Variants in LPP observed in about 807,000 individuals in gnomAD.
LPP encodes the protein LIM domain containing preferred translocation partner in lipoma.
Under a neutral mutation model 60.4 loss-of-function variants are expected in LPP, and 38 were observed. The observed-to-expected ratio is 0.63, with a 90% CI of 0.49 to 0.83. LPP has a LOEUF of 0.83. LPP is among the 40% of genes least tolerant of loss of function. The pLI is 0.00. For missense variants in LPP, 902 were observed against 783.6 expected, an observed-to-expected ratio of 1.15 and a Z score of -1.80; for synonymous variants, 328 against 290.8, an observed-to-expected ratio of 1.13 and a Z score of -1.30.
At chr3:188,647,432 G>A (rs1373493124) in intron 7 of LPP, among the ~76,000 whole-genome samples, 1 of 152,174 alleles carries the variant, frequency 6.6e-6, no homozygotes, top group Non-Finnish European at 1.5e-5. Context: ...CAGAAGACTT[G>A]ATTCACTTGT....
intron 2 of LPP, among the ~76,000 whole-genome samples, chr3:188,261,079 A>G (rs902261485): frequency 9.2e-5 from 14 of 152,198 alleles, no homozygotes; most frequent in African/African-American, 3.4e-4. Context: ...TGTTAAAAAA[A>G]GAAATGTTTC....
rs977976295 is a variant in LPP at position 188,426,149 on chromosome 3, G to A, written c.193+19836G>A. Among the ~76,000 whole-genome samples, 8 of 152,114 alleles carry A rather than the reference G, an allele frequency of 5.3e-5. No individual in the cohort carries two copies. In the East Asian group the frequency reaches 5.8e-4, roughly 11 times the overall value. ...TGTGTCCCAGAAATTGTGACATGTT[G>A]TGTCTTTATTCTGATTGGTTTCAAA... On this transcript the variant is annotated intron_variant, in intron 4 of 11. Transcript: ENST00000617246.
chr3:188,518,676 T>C (rs1818056839), intron 5 of LPP, among the ~76,000 whole-genome samples: 1 of 152,354 alleles, frequency 6.6e-6, no homozygotes, highest in Admixed American at 6.5e-5. Context: ...AGTATGGTTG[T>C]CTACCTCAGA....
intron 5 of LPP, among the ~76,000 whole-genome samples, chr3:188,524,372 G>A (rs1381593783): frequency 1.3e-5 from 2 of 152,152 alleles, no homozygotes; most frequent in African/African-American, 4.8e-5. Flanking sequence ...TGCAGGAATG[G>A]AGACATTTAT....
At chr3:188,454,700 G>A (rs1185994932) in intron 4 of LPP, among the ~76,000 whole-genome samples, 2 of 152,100 alleles carry the variant, frequency 1.3e-5, no homozygotes, top group South Asian at 2.1e-4. Context: ...TTACATGGCG[G>A]AAGCAAGAGA....
At chr3:188,749,787 A>G (rs1727485546) in intron 8 of LPP, among the ~76,000 whole-genome samples, 2 of 152,186 alleles carry the variant, frequency 1.3e-5, no homozygotes, top group Admixed American at 1.3e-4. Flanking sequence ...ATTTATTTTC[A>G]GTCTTTATAT....
intron 4 of LPP, among the ~76,000 whole-genome samples, chr3:188,417,564 A>C (rs931922891): frequency 6.6e-6 from 1 of 152,110 alleles, no homozygotes; most frequent in Admixed American, 6.6e-5. Flanking sequence ...GAACAGAGTG[A>C]CTTCACTATG....
chr3:188,307,533 A>G (rs1751920617), intron 2 of LPP, among the ~76,000 whole-genome samples: 1 of 152,132 alleles, frequency 6.6e-6, no homozygotes, highest in Admixed American at 6.5e-5. Context: ...TTCTCTGAAA[A>G]TTATGTGCAT....
chr3:188,521,527 T>C (rs1200401897), intron 5 of LPP, among the ~76,000 whole-genome samples: 1 of 152,164 alleles, frequency 6.6e-6, no homozygotes, highest in Non-Finnish European at 1.5e-5. Context: ...CCTGTCTCTT[T>C]ACTAATACCC....
intron 2 of LPP, among the ~76,000 whole-genome samples, chr3:188,325,847 C>T (rs571902263): frequency 6.6e-6 from 1 of 152,324 alleles, no homozygotes; most frequent in South Asian, 2.1e-4. Flanking sequence ...AGAAGATTCT[C>T]TGGCATAGGG....
In LPP at chr3:188,184,600, G is replaced by A. The variant is rs149595776; in HGVS notation, c.-190+30348G>A. Among the ~76,000 whole-genome samples the A allele has an allele frequency of 2.4e-3, 368 of 152,142 alleles. 4 individuals are homozygous for A. The highest frequency in any genetic ancestry group is 6.2e-3 in the African/African-American group (257 of 41,486). On this transcript the variant is annotated intron_variant, in intron 1 of 11. Transcript: ENST00000617246. ...AGCTGTGTGGTGGGAAAAGCAGGTC[G>A]GACCCTAATGTGAGCCTTGAGTAAT...
chr3:188,532,227 C>T (rs1438856708), intron 6 of LPP, among the ~76,000 whole-genome samples: 6 of 151,808 alleles, frequency 4.0e-5, no homozygotes, highest in Non-Finnish European at 5.9e-5. Flanking sequence ...GTAAACATGG[C>T]GAAACCCCAG....
chr3:188,783,819 T>G (rs1740629667), intron 9 of LPP, among the ~76,000 whole-genome samples: 1 of 152,090 alleles, frequency 6.6e-6, no homozygotes, highest in Admixed American at 6.5e-5. Context: ...ATCAGGGACT[T>G]CCATGTTGCC....
chr3:188,633,921 T>C (rs570337573), intron 7 of LPP, among the ~76,000 whole-genome samples: 2 of 152,290 alleles, frequency 1.3e-5, no homozygotes, highest in East Asian at 3.9e-4. Context: ...TTCACTTTGT[T>C]CCAGACATGG....
At chr3:188,803,422 T>C (rs1325054982) in intron 9 of LPP, among the ~76,000 whole-genome samples, 1 of 152,224 alleles carries the variant, frequency 6.6e-6, no homozygotes, top group Non-Finnish European at 1.5e-5. Context: ...GTTTATCTTC[T>C]TCTAGAAGCT....
chr3:188,210,187 T>C (rs1329957123), intron 1 of LPP, among the ~76,000 whole-genome samples: 1 of 152,344 alleles, frequency 6.6e-6, no homozygotes, highest in Non-Finnish European at 1.5e-5. Context: ...AGAGATGCTT[T>C]AAAGTATACA....
chr3:188,640,250 C>T (rs1580618667), intron 7 of LPP, among the ~76,000 whole-genome samples: 1 of 151,268 alleles, frequency 6.6e-6, no homozygotes, highest in African/African-American at 2.4e-5. Flanking sequence ...TCATCATTCT[C>T]AGTAAGCTAT....
intron 7 of LPP, among the ~76,000 whole-genome samples, chr3:188,642,574 C>T (rs1483355867): frequency 6.6e-6 from 1 of 152,138 alleles, no homozygotes; most frequent in East Asian, 1.9e-4. Context: ...GACGTGATGA[C>T]ATCTTTAACT....
intron 4 of LPP, among the ~76,000 whole-genome samples, chr3:188,462,580 ATATATGCATG>A (rs1799311949): frequency 4.6e-4 from 24 of 52,400 alleles, no homozygotes; most frequent in East Asian, 8.4e-4. Context: ...ATATATATAT[ATATATGCATG>A]TGTGTGTGTG....
Sources: gnomAD v4.1 joint callset for allele counts (sites outside exome capture counted in the v4.1 genomes callset) on GRCh38, gnomAD v4.1.1 for gene constraint, MANE v1.5 for transcripts, NCBI Gene and HGNC (gene_info 2026-07-23, HGNC 2026-07-21) for gene names.